Variants in PNPLA7 observed in about 807,000 individuals in gnomAD.
The protein encoded by PNPLA7 is patatin like domain 7, lysophospholipase.
In PNPLA7, 153 loss-of-function variants were observed where a neutral mutation model predicts 161.7. That is an observed-to-expected ratio of 0.95 (90% CI 0.83 to 1.08). The LOEUF (loss-of-function observed/expected upper bound fraction) is 1.08. Ranked by LOEUF, PNPLA7 falls within the 50% of genes least tolerant of loss-of-function variation. PNPLA7 has a pLI of 0.00. For synonymous variants in PNPLA7, 809 were observed against 782.1 expected (o/e 1.03, Z -0.57); for missense variants, 1,739 against 1,856.6 (o/e 0.94, Z 1.16).
intron 21 of PNPLA7, among the ~76,000 whole-genome samples, chr9:137,484,087 C>T (rs528882896): frequency 7.1e-4 from 108 of 152,086 alleles, no homozygotes; most frequent in Non-Finnish European, 1.4e-3. Context: ...AGATGCGCAC[C>T]ACCACGCCCA....
intron 8 of PNPLA7, among the ~76,000 whole-genome samples, chr9:137,525,792 T>C (rs570417830): frequency 5.4e-5 from 8 of 148,246 alleles, no homozygotes; most frequent in Non-Finnish European, 1.2e-4. Flanking sequence ...GAGCAGAGTC[T>C]TCTCTAACTC....
intron 26 of PNPLA7, among the ~76,000 whole-genome samples, chr9:137,466,755 C>A (rs1418884751): frequency 6.9e-6 from 1 of 145,820 alleles, no homozygotes; most frequent in Non-Finnish European, 1.5e-5. Flanking sequence ...AACTCAGACC[C>A]GGGCACGGAT....
At chr9:137,505,562 G>C in intron 14 of PNPLA7, 52 bp downstream of exon 14, 4 of 1,601,550 alleles carry the variant, frequency 2.5e-6, no homozygotes, top group Non-Finnish European at 2.6e-6. Context: ...GCAGAGAGGA[G>C]GCCACGGGCC....
chr9:137,510,331 C>T (rs1834156251), intron 12 of PNPLA7, among the ~76,000 whole-genome samples: 1 of 152,224 alleles, frequency 6.6e-6, no homozygotes, highest in Non-Finnish European at 1.5e-5. Context: ...AGTGGTCACG[C>T]TCCTAGTCCA....
At position 137,467,765 on chromosome 9, in the gene PNPLA7, G is replaced by C. The variant is rs113562631; in HGVS notation, c.2883-292C>G. Among the ~76,000 whole-genome samples the C allele has an allele frequency of 3.9e-5, 6 of 152,268 alleles. 1 individual carries two copies. Among genetic ancestry groups the C allele is most frequent in the African/African-American group, 1.4e-4 (6 of 41,552 alleles). ...ATACTAAAATTAGCCAGGCGTGGTG[G>C]TGCGCGCCTGTAATCCCAGCTACTC... is the stretch of plus-strand genomic sequence containing the variant. On this transcript the variant is annotated intron_variant, in intron 25 of 34. Coordinates refer to ENST00000406427, the MANE Select transcript of PNPLA7 (RefSeq NM_001098537.3). The surrounding 1 kb of genome is among the most constrained non-coding windows in gnomAD (Gnocchi z 5.1).
chr9:137,478,975 G>T (rs561511186), intron 24 of PNPLA7, 81 bp downstream of exon 24: 2 of 1,432,336 alleles, frequency 1.4e-6, no homozygotes, highest in Non-Finnish European at 1.9e-6. Flanking sequence ...GGAATCAGGT[G>T]GGGAATGTGA....
In PNPLA7 at chr9:137,480,762, G is replaced by C. The variant is rs539722103; in HGVS notation, c.2411+198C>G. ...GGGAAGCGGGGGCTGGGGTCCCCTG[G>C]GAGGCCTGACAGTGCCCAGCAGGTC... On this transcript the variant is annotated intron_variant, in intron 22 of 34. Coordinates refer to ENST00000406427, the MANE Select transcript of PNPLA7 (RefSeq NM_001098537.3). The C allele has an allele frequency of 4.0e-6, 3 of 758,424 alleles. No homozygotes were observed. In the East Asian group the frequency reaches 8.1e-5, roughly 21 times the overall value. The allele number at this position is 758,424 out of a possible 1,614,324, so 47.0% of individuals were successfully genotyped here.
At chr9:137,474,436 G>C (rs1026775884) in intron 25 of PNPLA7, among the ~76,000 whole-genome samples, 1 of 152,246 alleles carries the variant, frequency 6.6e-6, no homozygotes, top group Non-Finnish European at 1.5e-5. Context: ...CGTGATCAAC[G>C]CCAGACACCA....
chr9:137,489,102 G>A (rs1832645399), intron 20 of PNPLA7, among the ~76,000 whole-genome samples: 1 of 149,630 alleles, frequency 6.7e-6, no homozygotes, highest in Non-Finnish European at 1.5e-5. Flanking sequence ...CCCCCCAACT[G>A]TGCACCCCTG....
Position 137,462,828 on chromosome 9 carries a change from C to T in PNPLA7, c.3349G>A (p.Val1117Met), listed in dbSNP as rs1234706517. 3 of 1,613,684 alleles carry T rather than the reference C, an allele frequency of 1.9e-6. No individual in the cohort carries two copies. The highest frequency in any genetic ancestry group is 1.7e-6 in the Non-Finnish European group (2 of 1,179,936). ...GGYINNLPAD[V>M]ARSMGAKVVI... ...ACTTTTGCCCCCATGGACCGGGCCA[C>T]ATCCGCTAGGGAGAAGCCAGCCCTG... Residue 1117 changes from valine to methionine, a missense_variant, in exon 30 of 35, where the codon GTG becomes ATG. Coordinates refer to ENST00000406427, the MANE Select transcript of PNPLA7 (RefSeq NM_001098537.3).
Position 137,543,821 on chromosome 9 carries a change from G to C in PNPLA7, c.274-6C>G. 6.2e-7 allele frequency: 1 copy of C among 1,611,342 alleles called. No homozygotes were observed. The highest frequency in any genetic ancestry group is 8.5e-7 in the Non-Finnish European group (1 of 1,177,972). ...GTGTTGGGGAGTGTGGTCACCTGCAGAGCCAAGGGAGAGACCAGCCACTGA... is the reference window on the plus strand; with the variant it reads ...GTGTTGGGGAGTGTGGTCACCTGCACAGCCAAGGGAGAGACCAGCCACTGA... On this transcript the variant is annotated splice_region_variant and splice_polypyrimidine_tract_variant and intron_variant, in intron 4 of 34. Transcript: ENST00000406427. This position sits in a 1 kb window ranked among gnomAD's most constrained non-coding sequence, Gnocchi z 6.9.
chr9:137,463,334 A>G, intron 29 of PNPLA7, 81 bp downstream of exon 29: 2 of 1,246,102 alleles, frequency 1.6e-6, no homozygotes, highest in Non-Finnish European at 2.3e-6. Flanking sequence ...CTTGGAGCGG[A>G]GGCAGCTGTG....
intron 14 of PNPLA7, among the ~76,000 whole-genome samples, chr9:137,503,759 G>A (rs1833667679): frequency 4.6e-5 from 3 of 65,536 alleles, no homozygotes; most frequent in African/African-American, 2.4e-4. Context: ...AGAAAGAAAA[G>A]AAAGAAAAAG....
In PNPLA7 at chr9:137,515,472, T is replaced by C. The variant is rs2132425593; in HGVS notation, c.1132A>G (p.Ser378Gly). The C allele has an allele frequency of 6.3e-7, 1 of 1,584,080 alleles. No homozygotes were observed. The highest frequency in any genetic ancestry group is 8.6e-7 in the Non-Finnish European group (1 of 1,167,176). ...ATGGAAGGCGCGGGGACGGAGTGGC[T>C]CCTCTTCAGCAGGGGCCCAGCAGCT... ...PAAAGPLLKR[S>G]HSVPAPSIRK... The change falls in exon 12 of 35, where the codon AGC (serine) becomes GGC (glycine). Residue 378 changes from serine to glycine, a missense_variant. Around this residue, in one of 6 missense-constraint regions of PNPLA7, gnomAD observed 481 missense variants for 450.0 expected, o/e 1.07. Transcript: ENST00000406427.
In PNPLA7 at chr9:137,500,888, G is replaced by C. The variant is rs1206947462; in HGVS notation, c.1560C>G (p.Ser520Arg). ...GCAGCCCCGAGACCACGAACAGGAT[G>C]CTGGCGTCCTGACACACGAGAGGGC... ...VVSRQGDQDASILFVVSGLLH... is the reference protein window; with the variant it reads ...VVSRQGDQDARILFVVSGLLH... Residue 520 changes from serine to arginine, a missense_variant, in exon 16 of 35, where the codon AGC becomes AGG. By Grantham distance (110) the Ser-to-Arg change is moderately radical. Transcript: ENST00000406427. The surrounding 1 kb of genome is among the most constrained non-coding windows in gnomAD (Gnocchi z 5.5). The C allele has an allele frequency of 6.4e-7, 1 of 1,570,346 alleles. No homozygotes were observed. Among genetic ancestry groups the C allele is most frequent in the Non-Finnish European group, 8.6e-7 (1 of 1,161,848 alleles).
At chr9:137,544,510 C>T (rs967127076) in intron 4 of PNPLA7, among the ~76,000 whole-genome samples, 19 of 152,370 alleles carry the variant, frequency 1.2e-4, no homozygotes, top group African/African-American at 4.3e-4. Flanking sequence ...CCGCCTAAGC[C>T]TGTCCCAGAC....
intron 18 of PNPLA7, among the ~76,000 whole-genome samples, chr9:137,495,605 G>A (rs149286388): frequency 9.9e-4 from 150 of 152,128 alleles, no homozygotes; most frequent in African/African-American, 3.5e-3. Context: ...CACCACGCCC[G>A]GCTAGTTTTT....
At position 137,463,422 on chromosome 9, in the gene PNPLA7, G is replaced by A. The variant is rs1312277677; in HGVS notation, c.3336C>T (p.Asn1112=). 1.2e-6 allele frequency: 2 copies of A among 1,602,546 alleles called. No individual in the cohort carries two copies. Among genetic ancestry groups the A allele is most frequent in the Non-Finnish European group, 1.7e-6 (2 of 1,174,598 alleles). ...GTCCCCCCACCGCAGTACCTGGGAGGTTGTTGATGTAGCCCCCGTCCATCA... is the reference window on the plus strand; with the variant it reads ...GTCCCCCCACCGCAGTACCTGGGAGATTGTTGATGTAGCCCCCGTCCATCA... ...HLLMDGGYIN[N]LPADVARSMG... Residue 1112 remains asparagine, a synonymous_variant, in exon 29 of 35, where the codon AAC becomes AAT. Transcript: ENST00000406427.
intron 25 of PNPLA7, among the ~76,000 whole-genome samples, chr9:137,471,488 C>A (rs1352547920): frequency 6.7e-6 from 1 of 149,104 alleles, no homozygotes; most frequent in Non-Finnish European, 1.5e-5. Flanking sequence ...AATCCCAGCT[C>A]CTCAGGAGGC....
Sources: allele counts gnomAD v4.1 joint callset (sites outside exome capture counted in the v4.1 genomes callset), GRCh38; gene constraint gnomAD v4.1.1; regional missense constraint gnomAD v4.1.1; non-coding constraint Gnocchi (gnomAD v3.1); transcripts MANE v1.5; gene names NCBI Gene and HGNC (gene_info 2026-07-23, HGNC 2026-07-21).